Variants in CELSR1 observed in about 807,000 individuals in gnomAD.
The protein encoded by CELSR1 is cadherin EGF LAG seven-pass G-type receptor 1.
CELSR1 carries 110 observed loss-of-function variants against 249.1 expected under a neutral mutation model. The observed-to-expected ratio is 0.44, with a 90% CI of 0.38 to 0.52. The LOEUF is 0.52. Among genes scored for constraint, CELSR1 ranks in the 20% least tolerant of loss-of-function variants. CELSR1 has a pLI of 0.00. For synonymous variants in CELSR1, 2,113 were observed against 1,900.0 expected (o/e 1.11, Z -2.92); for missense variants, 4,109 against 4,296.4 (o/e 0.96, Z 1.22).
Position 46,408,607 on chromosome 22 carries a change from T to C in CELSR1, c.5226+389A>G, listed in dbSNP as rs2079293379. 6.6e-6 allele frequency among the ~76,000 whole-genome samples: 1 copy of C among 152,212 alleles called. No individual in the cohort carries two copies. The highest frequency in any genetic ancestry group is 6.5e-5 in the Admixed American group (1 of 15,288). On this transcript the variant is annotated intron_variant, in intron 9 of 34. Coordinates refer to ENST00000674500, the MANE Select transcript of CELSR1 (RefSeq NM_001378328.1). This position sits in a 1 kb window ranked among gnomAD's most constrained non-coding sequence, Gnocchi z 4.6. ...GCCTCCGCCACCCAAAGTGTTGGGA[T>C]TACAGGCATGAGCCACCACCCCGGC...
At position 46,369,816 on chromosome 22, in the gene CELSR1, G is replaced by A. The variant is rs80178749; in HGVS notation, c.7760-12C>T. ...GCCGACCGCCAGTCCTGAACACAGC[G>A]GGGAGGAAGGGAAGGGTGAGGGCCA... On this transcript the variant is annotated splice_polypyrimidine_tract_variant and intron_variant, in intron 25 of 34. Coordinates refer to ENST00000674500, the MANE Select transcript of CELSR1 (RefSeq NM_001378328.1). 3,325 of 1,610,716 alleles carry A rather than the reference G, an allele frequency of 2.1e-3. 67 individuals are homozygous for A. The African/African-American group carries it at 0.039, about 19-fold the overall frequency.
Position 46,380,439 on chromosome 22 carries a change from C to A in CELSR1, c.7256+349G>T, listed in dbSNP as rs2078965042. Among the ~76,000 whole-genome samples, 1 of 152,206 alleles carries A rather than the reference C, an allele frequency of 6.6e-6. No individual in the cohort carries two copies. The highest frequency in any genetic ancestry group is 2.1e-4 in the South Asian group (1 of 4,830). On this transcript the variant is annotated intron_variant, in intron 22 of 34. Transcript: ENST00000674500. This position sits in a 1 kb window ranked among gnomAD's most constrained non-coding sequence, Gnocchi z 5.1. ...TGTGACCGGAATGGGCCTGTCTTATCCGGCGGTGAACTGGGCACTACACTA... is the reference window on the plus strand; with the variant it reads ...TGTGACCGGAATGGGCCTGTCTTATACGGCGGTGAACTGGGCACTACACTA...
In CELSR1 at chr22:46,436,160, G is replaced by C. The variant is rs1443729495; in HGVS notation, c.4522+14C>G. The C allele has an allele frequency of 6.2e-7, 1 of 1,606,480 alleles. No homozygotes were observed. The highest frequency in any genetic ancestry group is 1.3e-5 in the African/African-American group (1 of 74,678). ...AATTGCTCAGAGCTGCCCTTCCTGG[G>C]GAGAAGGCCCCACCTGCAGAGAAGG... On this transcript the variant is annotated intron_variant, in intron 4 of 34. Transcript: ENST00000674500. This position sits in a 1 kb window ranked among gnomAD's most constrained non-coding sequence, Gnocchi z 5.9.
At chr22:46,509,584 C>T (rs946445543) in intron 1 of CELSR1, among the ~76,000 whole-genome samples, 1 of 152,260 alleles carries the variant, frequency 6.6e-6, no homozygotes, top group Non-Finnish European at 1.5e-5. Context: ...AAGGCCAGGT[C>T]ACTGCTCTGT....
rs192909635 is a variant in CELSR1 at position 46,517,341 on chromosome 22, G to A, written c.3544+16286C>T. On this transcript the variant is annotated intron_variant, in intron 1 of 34. Coordinates refer to ENST00000674500, the MANE Select transcript of CELSR1 (RefSeq NM_001378328.1). The surrounding 1 kb of genome is among the most constrained non-coding windows in gnomAD (Gnocchi z 5.4). ...TGCAATGGGTTTCCCGGGCCAAACC[G>A]GAGACTTGGACGGCCGTCCAACACC... Among the ~76,000 whole-genome samples, 5 of 152,332 alleles carry A rather than the reference G, an allele frequency of 3.3e-5. No homozygotes were observed. The highest frequency in any genetic ancestry group is 2.0e-4 in the Admixed American group (3 of 15,300).
intron 3 of CELSR1, among the ~76,000 whole-genome samples, chr22:46,438,658 G>A (rs1470854893): frequency 6.6e-6 from 1 of 152,240 alleles, no homozygotes; most frequent in Non-Finnish European, 1.5e-5. Flanking sequence ...GTTATTGGAG[G>A]TGGAGAGGAT....
rs1192990758 is a variant in CELSR1, at chr22:46,517,320, A to G, written c.3544+16307T>C. Among the ~76,000 whole-genome samples the G allele has an allele frequency of 6.6e-6, 1 of 152,214 alleles. No homozygotes were observed. The highest frequency in any genetic ancestry group is 1.5e-5 in the Non-Finnish European group (1 of 68,038). On this transcript the variant is annotated intron_variant, in intron 1 of 34. Coordinates refer to ENST00000674500, the MANE Select transcript of CELSR1 (RefSeq NM_001378328.1). This position sits in a 1 kb window ranked among gnomAD's most constrained non-coding sequence, Gnocchi z 5.4. ...AGAGAGAATTCCTGCCACAAATGCA[A>G]TGGGTTTCCCGGGCCAAACCGGAGA...
chr22:46,406,009 T>C lies in CELSR1; in HGVS notation c.5226+2987A>G, dbSNP rs555256796. On this transcript the variant is annotated intron_variant, in intron 9 of 34. Transcript: ENST00000674500. This position sits in a 1 kb window ranked among gnomAD's most constrained non-coding sequence, Gnocchi z 5.4. ...AGACTTCCACAGGGAGGGCTGGCTG[T>C]AGTCCCTGGCAAAATTCCTAATCTG... Among the ~76,000 whole-genome samples, 1 of 152,258 alleles carries C rather than the reference T, an allele frequency of 6.6e-6. No individual in the cohort carries two copies. The highest frequency in any genetic ancestry group is 2.1e-4 in the South Asian group (1 of 4,824).
intron 2 of CELSR1, among the ~76,000 whole-genome samples, chr22:46,456,442 G>A (rs1028158043): frequency 2.6e-5 from 4 of 152,006 alleles, no homozygotes; most frequent in Admixed American, 6.5e-5. Flanking sequence ...GGCAGATCAC[G>A]AGGTCAGGAG....
chr22:46,405,695 T>G (rs896514389), intron 9 of CELSR1, among the ~76,000 whole-genome samples: 16 of 152,120 alleles, frequency 1.1e-4, no homozygotes, highest in African/African-American at 3.9e-4. Context: ...GGATTTTGGG[T>G]GCCCGAGAGC....
chr22:46,376,945 G>A (rs71313044), intron 24 of CELSR1, 116 bp downstream of exon 24: 1 of 1,011,216 alleles, frequency 9.9e-7, no homozygotes, highest in South Asian at 1.5e-5. Context: ...CTGTGAAGCA[G>A]AGGTGGGGGT....
intron 9 of CELSR1, among the ~76,000 whole-genome samples, chr22:46,403,558 C>T (rs948342696): frequency 3.3e-5 from 5 of 150,740 alleles, no homozygotes; most frequent in Non-Finnish European, 7.4e-5. Flanking sequence ...CTCTGTCACA[C>T]ACACAAAAAA....
chr22:46,443,217 G>A (rs1224825959), intron 2 of CELSR1, among the ~76,000 whole-genome samples: 1 of 152,242 alleles, frequency 6.6e-6, no homozygotes, highest in Non-Finnish European at 1.5e-5. Context: ...TGAATTTCAT[G>A]AGCATGCACG....
Position 46,521,957 on chromosome 22 carries a change from C to T in CELSR1, c.3544+11670G>A, listed in dbSNP as rs1001825746. ...TCCACAGCACCTGCACCATTTTACACTCCACCAACAGGGCAAAAGGGTTCC... is the reference window on the plus strand; with the variant it reads ...TCCACAGCACCTGCACCATTTTACATTCCACCAACAGGGCAAAAGGGTTCC... On this transcript the variant is annotated intron_variant, in intron 1 of 34. Transcript: ENST00000674500. Among the ~76,000 whole-genome samples the T allele has an allele frequency of 5.3e-5, 8 of 152,222 alleles. No individual in the cohort carries two copies. The East Asian group carries it at 1.5e-3, about 29-fold the overall frequency.
chr22:46,495,803 G>A (rs1037054968), intron 1 of CELSR1, among the ~76,000 whole-genome samples: 8 of 152,084 alleles, frequency 5.3e-5, no homozygotes, highest in South Asian at 2.1e-4. Context: ...CAACAAGAGC[G>A]AAACTCCATC....
rs746455154 is a variant in CELSR1, at chr22:46,534,862, G to C, written c.2309C>G (p.Ser770Trp). Residue 770 changes from serine (S) to tryptophan (W), a missense_variant, in exon 1 of 35, where the codon TCG (serine) becomes TGG (tryptophan). Physicochemically the swap from Ser to Trp is radical, Grantham distance 177 (BLOSUM62 -3). Transcript: ENST00000674500. The surrounding 1 kb of genome is among the most constrained non-coding windows in gnomAD (Gnocchi z 9.7). The part of the protein sequence containing the change: ...LAVTASDGTR[S>W]HTAHVLINVT... ...GTTGATTAGGACATGCGCAGTGTGCGACCGTGTGCCGTCGGATGCTGTCAC... is the reference window on the plus strand; with the variant it reads ...GTTGATTAGGACATGCGCAGTGTGCCACCGTGTGCCGTCGGATGCTGTCAC... The C allele has an allele frequency of 1.9e-6, 3 of 1,612,860 alleles. No homozygotes were observed. Among genetic ancestry groups the C allele is most frequent in the Non-Finnish European group, 2.5e-6 (3 of 1,180,018 alleles).
At position 46,515,759 on chromosome 22, in the gene CELSR1, G is replaced by A. The variant is rs540726991; in HGVS notation, c.3544+17868C>T. Among the ~76,000 whole-genome samples the A allele has an allele frequency of 1.4e-3, 214 of 152,332 alleles. 2 individuals carry two copies. Among genetic ancestry groups the A allele is most frequent in the African/African-American group, 4.9e-3 (202 of 41,562 alleles). On this transcript the variant is annotated intron_variant, in intron 1 of 34. Coordinates refer to ENST00000674500, the MANE Select transcript of CELSR1 (RefSeq NM_001378328.1). ...GTGTAACAGGCTCCCAGCAGCCAGT[G>A]TAGGAAGGCAGCCCCGGCAGGAGGA...
rs1463170049 is a variant in CELSR1 at position 46,472,361 on chromosome 22, G to A, written c.3545-8016C>T. The stretch of plus-strand genomic sequence containing the variant: ...GGTGGGCTCATGCTGTGGGGCAGTG[G>A]GGGCAGAGGTCACATCATGGCCCTC... On this transcript the variant is annotated intron_variant, in intron 1 of 34. Transcript: ENST00000674500. The surrounding 1 kb of genome is among the most constrained non-coding windows in gnomAD (Gnocchi z 7.0). Among the ~76,000 whole-genome samples the A allele has an allele frequency of 6.6e-6, 1 of 152,196 alleles. No individual in the cohort carries two copies. Among genetic ancestry groups the A allele is most frequent in the African/African-American group, 2.4e-5 (1 of 41,442 alleles).
In CELSR1 at chr22:46,434,259, A is replaced by T. The variant is rs1173293051; in HGVS notation, c.4523-778T>A. Among the ~76,000 whole-genome samples, 1 of 151,956 alleles carries T rather than the reference A, an allele frequency of 6.6e-6. No individual in the cohort carries two copies. The highest frequency in any genetic ancestry group is 1.5e-5 in the Non-Finnish European group (1 of 67,984). On this transcript the variant is annotated intron_variant, in intron 4 of 34. Coordinates refer to ENST00000674500, the MANE Select transcript of CELSR1 (RefSeq NM_001378328.1). The surrounding 1 kb of genome is among the most constrained non-coding windows in gnomAD (Gnocchi z 4.9). Reference sequence around the variant, plus strand: ...CTGCTTTGGGGTGTCTGTCATTTCCACCCCTTGAGCTCCTGCTGGAGTGGG... The same window carrying T: ...CTGCTTTGGGGTGTCTGTCATTTCCTCCCCTTGAGCTCCTGCTGGAGTGGG...
Sources: gnomAD v4.1 joint callset for allele counts (sites outside exome capture counted in the v4.1 genomes callset) on GRCh38, gnomAD v4.1.1 for gene constraint, Gnocchi (gnomAD v3.1) non-coding constraint, MANE v1.5 for transcripts, NCBI Gene and HGNC (gene_info 2026-07-23, HGNC 2026-07-21) for gene names.